The following EPB41L5 variants were observed in gnomAD, a reference collection of about 807,000 sequenced individuals.
The protein encoded by EPB41L5 is band 4.1-like protein 5.
In EPB41L5, 55 loss-of-function variants were observed where a neutral mutation model predicts 106.6. That is an observed-to-expected ratio of 0.52 (90% CI 0.42 to 0.65). The LOEUF is 0.65. Among genes scored for constraint, EPB41L5 ranks in the 30% least tolerant of loss-of-function variants. The pLI is 0.00. For missense variants in EPB41L5, 871 were observed against 882.1 expected (o/e 0.99, Z 0.16); for synonymous variants, 297 against 306.7 (o/e 0.97, Z 0.33).
intron 20 of EPB41L5, among the ~76,000 whole-genome samples, chr2:120,147,738 CAGG>C (rs1008005002): frequency 6.6e-6 from 1 of 151,328 alleles, no homozygotes; most frequent in Non-Finnish European, 1.5e-5. Flanking sequence ...TTTTGTTTGC[CAGG>C]AGAAGGGTAA....
intron 3 of EPB41L5, among the ~76,000 whole-genome samples, chr2:120,060,795 T>G (rs544943224): frequency 1.3e-5 from 2 of 152,218 alleles, no homozygotes; most frequent in Non-Finnish European, 1.5e-5. Context: ...ACTGTAGTTA[T>G]GTTAAAATGT....
intron 3 of EPB41L5, among the ~76,000 whole-genome samples, chr2:120,063,847 C>G (rs1379992857): frequency 6.6e-6 from 1 of 151,960 alleles, no homozygotes; most frequent in Non-Finnish European, 1.5e-5. Flanking sequence ...GAGTCTGAGG[C>G]AGGAGAATCG....
At chr2:120,042,368 T>G (rs1679458991) in intron 3 of EPB41L5, among the ~76,000 whole-genome samples, 1 of 152,190 alleles carries the variant, frequency 6.6e-6, no homozygotes, top group Non-Finnish European at 1.5e-5. Flanking sequence ...ATCTTTGTTT[T>G]TAATAACTGT....
At chr2:120,050,275 A>T (rs1382264552) in intron 3 of EPB41L5, among the ~76,000 whole-genome samples, 1 of 152,050 alleles carries the variant, frequency 6.6e-6, no homozygotes, top group African/African-American at 2.4e-5. Flanking sequence ...GCTTGGTTCC[A>T]TTCTCCCCTT....
chr2:120,092,854 A>G (rs1046098609), intron 13 of EPB41L5, among the ~76,000 whole-genome samples: 3 of 152,340 alleles, frequency 2.0e-5, no homozygotes, highest in East Asian at 3.9e-4. Context: ...ATATATATGC[A>G]TTGTATTGCT....
At chr2:120,082,680 G>C (rs915664660) in intron 10 of EPB41L5, among the ~76,000 whole-genome samples, 23 of 152,142 alleles carry the variant, frequency 1.5e-4, no homozygotes, top group African/African-American at 4.8e-4. Context: ...AGAAGGAATG[G>C]TACCAGCTCC....
Position 120,177,058 on chromosome 2 carries a change from C to G in EPB41L5, c.*2151C>G, listed in dbSNP as rs954829901. On this transcript the variant is annotated 3_prime_UTR_variant, in exon 25 of 25. Coordinates refer to ENST00000263713, the MANE Select transcript of EPB41L5 (RefSeq NM_020909.4). ...TTCATACTTGAATGCTGAATTGGCCCCGACAGATTAAATGCGTGTTGGGGA... is the reference window on the plus strand; with the variant it reads ...TTCATACTTGAATGCTGAATTGGCCGCGACAGATTAAATGCGTGTTGGGGA... 2.0e-5 allele frequency: 3 copies of G among 152,120 alleles called. No homozygotes were observed. Among genetic ancestry groups the G allele is most frequent in the Non-Finnish European group, 4.4e-5 (3 of 68,030 alleles). The allele number at this position is 152,120 out of a possible 1,614,324, so 9.4% of individuals were successfully genotyped here. A position where few individuals can be genotyped will look rare whatever the true frequency, so the allele number is the denominator to read the frequency against.
chr2:120,144,696 C>T (rs1414737647), intron 19 of EPB41L5, among the ~76,000 whole-genome samples: 1 of 152,016 alleles, frequency 6.6e-6, no homozygotes, highest in Non-Finnish European at 1.5e-5. Flanking sequence ...CTAGTGTCAC[C>T]CCAGTACCAA....
chr2:120,107,565 A>T (rs965026621), intron 16 of EPB41L5, among the ~76,000 whole-genome samples: 1 of 152,068 alleles, frequency 6.6e-6, no homozygotes, highest in African/African-American at 2.4e-5. Flanking sequence ...TGCGGTGGGG[A>T]AACAACTTTC....
intron 20 of EPB41L5, among the ~76,000 whole-genome samples, chr2:120,149,525 G>A (rs1686573708): frequency 1.3e-5 from 2 of 152,068 alleles, no homozygotes; most frequent in Admixed American, 1.3e-4. Flanking sequence ...TTAGCATAAT[G>A]TTTCCAGGGT....
intron 22 of EPB41L5, 124 bp from the exon 23 acceptor site, chr2:120,167,342 A>G (rs1305480053): frequency 1.3e-6 from 1 of 753,556 alleles, no homozygotes; most frequent in Non-Finnish European, 2.2e-6. Flanking sequence ...CTCAAGGAAC[A>G]CCATTAAGAA....
At chr2:120,082,918 G>A (rs988658548) in intron 10 of EPB41L5, among the ~76,000 whole-genome samples, 21 of 152,116 alleles carry the variant, frequency 1.4e-4, no homozygotes, top group Non-Finnish European at 1.6e-4. Context: ...TTCTCTGATG[G>A]TAGTTTGTAT....
intron 18 of EPB41L5, among the ~76,000 whole-genome samples, chr2:120,134,050 G>C (rs1685818787): frequency 6.6e-6 from 1 of 152,152 alleles, no homozygotes; most frequent in Admixed American, 6.5e-5. Flanking sequence ...AGTCCTGGCA[G>C]GATCTGTCAC....
chr2:120,052,441 A>G (rs779662219), intron 3 of EPB41L5, among the ~76,000 whole-genome samples: 2 of 152,134 alleles, frequency 1.3e-5, no homozygotes, highest in Admixed American at 6.5e-5. Context: ...GCTAGGCCTC[A>G]CCACTATGAA....
intron 21 of EPB41L5, among the ~76,000 whole-genome samples, chr2:120,162,207 C>CT (rs1461465340): frequency 5.9e-5 from 9 of 152,216 alleles, no homozygotes; most frequent in African/African-American, 2.2e-4. Flanking sequence ...ATCACTATCA[C>CT]TAATTGCACT....
intron 18 of EPB41L5, among the ~76,000 whole-genome samples, chr2:120,141,482 A>T (rs1220434697): frequency 6.6e-6 from 1 of 152,130 alleles, no homozygotes; most frequent in Non-Finnish European, 1.5e-5. Context: ...GGGCTAGGGT[A>T]GGGGACTAGA....
chr2:120,095,169 T>G lies in EPB41L5; in HGVS notation c.1178+1893T>G, dbSNP rs555387254. Among the ~76,000 whole-genome samples the G allele has an allele frequency of 2.6e-5, 4 of 152,336 alleles. No homozygotes were observed. In the South Asian group the frequency reaches 8.3e-4, roughly 32 times the overall value. On this transcript the variant is annotated intron_variant, in intron 14 of 24. Transcript: ENST00000263713. ...TTGTCTATTTCTTCCTTCAGTTCTT[T>G]CTGTTTTTGTTTCATGTATGTTGTG...
intron 10 of EPB41L5, among the ~76,000 whole-genome samples, chr2:120,079,722 A>G (rs903316462): frequency 1.3e-5 from 2 of 152,236 alleles, no homozygotes; most frequent in South Asian, 4.1e-4. Flanking sequence ...CCCATCTCAC[A>G]TACCCCACAC....
intron 2 of EPB41L5, among the ~76,000 whole-genome samples, chr2:120,032,741 T>C (rs1203493070): frequency 6.6e-6 from 1 of 152,240 alleles, no homozygotes; most frequent in East Asian, 1.9e-4. Flanking sequence ...CTGAAGCCTT[T>C]AATACGTGAG....
Sources: allele counts gnomAD v4.1 joint callset (sites outside exome capture counted in the v4.1 genomes callset), GRCh38; gene constraint gnomAD v4.1.1; transcripts MANE v1.5; gene names NCBI Gene and HGNC (gene_info 2026-07-23, HGNC 2026-07-21).